The following FBXL2 variants were observed in gnomAD, a reference collection of about 807,000 sequenced individuals.
FBXL2 encodes the protein F-box and leucine rich repeat protein 2.
In FBXL2, 38 loss-of-function variants were observed where a neutral mutation model predicts 69.2. The observed-to-expected ratio is 0.55, with a 90% CI of 0.42 to 0.72. The LOEUF (loss-of-function observed/expected upper bound fraction) is 0.72, where lower values mean the gene tolerates loss of function less well. Ranked by LOEUF, FBXL2 falls within the 30% of genes least tolerant of loss-of-function variation. FBXL2 has a pLI of 0.00. For synonymous variants in FBXL2, 192 were observed against 201.3 expected (o/e 0.95, Z 0.39); for missense variants, 354 against 520.3 (o/e 0.68, Z 3.11).
chr3:33,422,275 T>G, the FBXL2 span, among the ~76,000 whole-genome samples: 3 of 151,856 alleles, frequency 2.0e-5, no homozygotes, highest in African/African-American at 7.3e-5. Flanking sequence ...AATATACCTT[T>G]AAGGACTACA....
chr3:33,325,572 A>T (rs2038625376), intron 2 of FBXL2, among the ~76,000 whole-genome samples: 2 of 152,058 alleles, frequency 1.3e-5, no homozygotes, highest in South Asian at 2.1e-4. Flanking sequence ...GTCATTGATG[A>T]ACCAAATCTT....
chr3:33,418,129 A>T, the FBXL2 span, among the ~76,000 whole-genome samples: 1 of 152,230 alleles, frequency 6.6e-6, no homozygotes, highest in Non-Finnish European at 1.5e-5. Flanking sequence ...CAAAATGAAG[A>T]ATATAAAGTT....
the FBXL2 span, chr3:33,412,669 G>A: frequency 2.0e-5 from 23 of 1,153,828 alleles, no homozygotes; most frequent in Non-Finnish European, 3.0e-5. Flanking sequence ...CACATTACTG[G>A]CTATAGCTAA....
In FBXL2 at chr3:33,339,470, A is replaced by AT. The variant is rs570210830; in HGVS notation, c.66-19490dup. On this transcript the variant is annotated intron_variant, in intron 2 of 14. Coordinates refer to ENST00000484457, the MANE Select transcript of FBXL2 (RefSeq NM_012157.5). ...TCAGGAACACAGAACCAAATACTGC[A>AT]TTTTTTTAAATAAGTGAGAACTAAA... Among the ~76,000 whole-genome samples the AT allele has an allele frequency of 5.7e-4, 87 of 152,316 alleles. 1 individual carries two copies. Among genetic ancestry groups the AT allele is most frequent in the African/African-American group, 2.0e-3 (82 of 41,586 alleles).
intron 9 of FBXL2, among the ~76,000 whole-genome samples, chr3:33,374,136 A>G (rs1297204361): frequency 6.6e-6 from 1 of 152,188 alleles, no homozygotes; most frequent in Non-Finnish European, 1.5e-5. Context: ...AGCCACTGAC[A>G]TCTCCCCTAA....
At chr3:33,368,190 T>G (rs1254952759) in intron 5 of FBXL2, among the ~76,000 whole-genome samples, 2 of 152,228 alleles carry the variant, frequency 1.3e-5, no homozygotes, top group Non-Finnish European at 2.9e-5. Context: ...TTAGATGAAG[T>G]GTGCCATAAA....
rs1200017801 is a variant in FBXL2, at chr3:33,373,694, G to A, written c.572G>A (p.Gly191Asp). Residue 191 changes from glycine (G) to aspartate (D), a missense_variant, in exon 8 of 15, where the codon GGC becomes GAC. Gly to Asp is a moderately conservative substitution (Grantham distance 94). Transcript: ENST00000484457. ...CRGLKALLLR[G>D]CTQLEDEALK... is the part of the protein sequence containing the mutation. The stretch of plus-strand genomic sequence containing the variant: ...GGCCTGAAAGCCCTGCTCCTGAGGG[G>A]CTGCACACAGGTACCAGAGGGTTGA... 2 of 1,614,180 alleles carry A rather than the reference G, an allele frequency of 1.2e-6. No homozygotes were observed. The highest frequency in any genetic ancestry group is 8.5e-7 in the Non-Finnish European group (1 of 1,180,032).
At chr3:33,307,307 A>G (rs1205910009) in intron 2 of FBXL2, among the ~76,000 whole-genome samples, 2 of 152,206 alleles carry the variant, frequency 1.3e-5, no homozygotes, top group Non-Finnish European at 1.5e-5. Context: ...TATCAGATAT[A>G]CACACAAGGA....
At chr3:33,394,156 A>G (rs2043873617) in intron 12 of FBXL2, among the ~76,000 whole-genome samples, 1 of 151,188 alleles carries the variant, frequency 6.6e-6, no homozygotes, top group Admixed American at 6.6e-5. Flanking sequence ...AGCTGGGACT[A>G]TGGTGGGGGC....
intron 9 of FBXL2, among the ~76,000 whole-genome samples, 189 bp from the exon 10 acceptor site, chr3:33,375,099 G>A (rs1422074076): frequency 1.3e-5 from 2 of 152,066 alleles, no homozygotes; most frequent in African/African-American, 4.8e-5. Context: ...CTAAATTGCT[G>A]AAATATTTTA....
intron 1 of FBXL2, among the ~76,000 whole-genome samples, chr3:33,284,694 G>A (rs1681672969): frequency 1.3e-5 from 2 of 152,114 alleles, no homozygotes; most frequent in African/African-American, 4.8e-5. Flanking sequence ...TCTCTTTCTA[G>A]GTCTCTAAAG....
In FBXL2 at chr3:33,329,042, A is replaced by G. The variant is rs79930505; in HGVS notation, c.66-29925A>G. Among the ~76,000 whole-genome samples the G allele has an allele frequency of 4.4e-4, 67 of 152,276 alleles. 3 individuals are homozygous for G. In the East Asian group the frequency reaches 0.013, roughly 29 times the overall value. ...TCAAAACAATTCAGTAGCAAAACAA[A>G]CAAAACAAAACAAACACCTACCTTC... On this transcript the variant is annotated intron_variant, in intron 2 of 14. Transcript: ENST00000484457.
intron 11 of FBXL2, among the ~76,000 whole-genome samples, chr3:33,377,670 C>T (rs1176197874): frequency 1.3e-5 from 2 of 152,176 alleles, no homozygotes; most frequent in Non-Finnish European, 2.9e-5. Flanking sequence ...CAAACACTGA[C>T]CACTGGGGGC....
At chr3:33,409,650 AT>A in the FBXL2 span, 3 of 1,611,758 alleles carry the variant, frequency 1.9e-6, no homozygotes, top group African/African-American at 2.7e-5. Context: ...TCCACTGGTT[AT>A]TTTTCTATTT....
rs144088637 is a variant in FBXL2, at chr3:33,345,728, C to T, written c.66-13239C>T. Among the ~76,000 whole-genome samples the T allele has an allele frequency of 5.9e-5, 9 of 152,164 alleles. No homozygotes were observed. The East Asian group carries it at 1.5e-3, about 26-fold the overall frequency. On this transcript the variant is annotated intron_variant, in intron 2 of 14. Coordinates refer to ENST00000484457, the MANE Select transcript of FBXL2 (RefSeq NM_012157.5). ...GACCACAATGAGTTAAACTAGAAAT[C>T]AATAACAGAAAGCCAAAAATTCCCA...
chr3:33,362,993 C>T (rs2041732828), intron 4 of FBXL2, among the ~76,000 whole-genome samples: 1 of 152,052 alleles, frequency 6.6e-6, no homozygotes, highest in Admixed American at 6.6e-5. Flanking sequence ...GGATTTTCAA[C>T]ATAATTAAGA....
At chr3:33,277,853 TA>T (rs935370769) in intron 1 of FBXL2, among the ~76,000 whole-genome samples, 59 of 148,454 alleles carry the variant, frequency 4.0e-4, no homozygotes, top group African/African-American at 8.4e-4. Context: ...AGGGTGTGGT[TA>T]AAAAAAAAAA....
chr3:33,343,930 GAAAT>G (rs1288694422), intron 2 of FBXL2, among the ~76,000 whole-genome samples: 1 of 151,776 alleles, frequency 6.6e-6, no homozygotes, highest in East Asian at 1.9e-4. Context: ...ACAAGAAACA[GAAAT>G]AAAAAATATA....
At chr3:33,411,090 A>AAG in the FBXL2 span, among the ~76,000 whole-genome samples, 3 of 151,520 alleles carry the variant, frequency 2.0e-5, no homozygotes, top group African/African-American at 7.3e-5. Flanking sequence ...AAAAAAAAAA[A>AAG]GTGCTCCAAG....
Sources: gnomAD v4.1 joint callset for allele counts (sites outside exome capture counted in the v4.1 genomes callset) on GRCh38, gnomAD v4.1.1 for gene constraint, MANE v1.5 for transcripts, NCBI Gene and HGNC (gene_info 2026-07-23, HGNC 2026-07-21) for gene names.